Variants in PRDM16 observed in about 807,000 individuals in gnomAD.
PRDM16 encodes the protein histone-lysine N-methyltransferase PRDM16.
In PRDM16, 23 loss-of-function variants were observed where a neutral mutation model predicts 110.6. The ratio of observed to expected loss-of-function variants is 0.21; its 90% confidence interval spans 0.15 to 0.29. PRDM16 has a LOEUF of 0.29. Among genes scored for constraint, PRDM16 ranks in the 10% least tolerant of loss-of-function variants. The pLI is 1.00. For missense variants in PRDM16, 1,615 were observed against 1,794.3 expected, an observed-to-expected ratio of 0.90 and a Z score of 1.81; for synonymous variants, 799 against 781.8, an observed-to-expected ratio of 1.02 and a Z score of -0.37.
intron 4 of PRDM16, chr1:3,396,240 G>T: frequency 1.8e-6 from 1 of 549,626 alleles, no homozygotes; most frequent in East Asian, 4.3e-5. Flanking sequence ...CTTTCATGTG[G>T]ATCCTACCTG....
chr1:3,149,476 T>C (rs1249768927), intron 1 of PRDM16, among the ~76,000 whole-genome samples: 1 of 152,160 alleles, frequency 6.6e-6, no homozygotes, highest in African/African-American at 2.4e-5. Flanking sequence ...TGCCCTGCCC[T>C]GCCACTCCTG....
rs1643285010 is a variant in PRDM16 at position 3,390,758 on chromosome 1, A to G, written c.573+5472A>G. Among the ~76,000 whole-genome samples, 1 of 151,444 alleles carries G rather than the reference A, an allele frequency of 6.6e-6. No individual in the cohort carries two copies. Among genetic ancestry groups the G allele is most frequent in the South Asian group, 2.1e-4 (1 of 4,804 alleles). On this transcript the variant is annotated intron_variant, in intron 4 of 16. Coordinates refer to ENST00000270722, the MANE Select transcript of PRDM16 (RefSeq NM_022114.4). This position sits in a 1 kb window ranked among gnomAD's most constrained non-coding sequence, Gnocchi z 5.0. ...AGGGTTGCGGTTTTAAACAGAGGGC[A>G]TCCAACACCCATCATCTTGTTCTGC...
chr1:3,245,558 T>G lies in PRDM16; in HGVS notation c.438+1421T>G, dbSNP rs1639772795. Among the ~76,000 whole-genome samples, 1 of 152,218 alleles carries G rather than the reference T, an allele frequency of 6.6e-6. No homozygotes were observed. Among genetic ancestry groups the G allele is most frequent in the African/African-American group, 2.4e-5 (1 of 41,456 alleles). ...TCCCCGTCGCTGGTGTGGCTGTGTC[T>G]GGCCTCCTGGGGTCCTTTTGTCCAA... is the stretch of plus-strand genomic sequence containing the variant. On this transcript the variant is annotated intron_variant, in intron 3 of 16. Transcript: ENST00000270722. The surrounding 1 kb of genome is among the most constrained non-coding windows in gnomAD (Gnocchi z 4.7).
At chr1:3,074,074 G>A (rs1454043317) in intron 1 of PRDM16, among the ~76,000 whole-genome samples, 9 of 152,200 alleles carry the variant, frequency 5.9e-5, no homozygotes, top group Non-Finnish European at 1.3e-4. Flanking sequence ...GAGGGTGGGG[G>A]TCTGGCTTTC....
chr1:3,087,883 T>C (rs1642186728), intron 1 of PRDM16, among the ~76,000 whole-genome samples: 1 of 152,196 alleles, frequency 6.6e-6, no homozygotes, highest in Non-Finnish European at 1.5e-5. Context: ...GTTTGTGCTC[T>C]GGGGTCTGGC....
chr1:3,298,517 G>A (rs575980543), intron 3 of PRDM16, among the ~76,000 whole-genome samples: 65 of 152,326 alleles, frequency 4.3e-4, no homozygotes, highest in Admixed American at 1.1e-3. Flanking sequence ...CCCCCGGCCC[G>A]GAGAGGGCAG....
chr1:3,127,673 G>A (rs1643237860), intron 1 of PRDM16, among the ~76,000 whole-genome samples: 1 of 152,250 alleles, frequency 6.6e-6, no homozygotes, highest in Non-Finnish European at 1.5e-5. Context: ...TAGGACGAGG[G>A]TTGAGAGGGA....
chr1:3,156,886 G>C (rs1643863905), intron 1 of PRDM16, among the ~76,000 whole-genome samples: 1 of 152,240 alleles, frequency 6.6e-6, no homozygotes. Context: ...AGAAGCAGGT[G>C]GGGGCGTCAG....
At position 3,353,515 on chromosome 1, in the gene PRDM16, A is replaced by T. The variant is rs1642535288; in HGVS notation, c.439-31637A>T. ...CAGGCACCTGGGCCATGGGAGCCCA[A>T]GGGTGGCTCCCTCGGGCCACCCCGT... is the stretch of plus-strand genomic sequence containing the variant. On this transcript the variant is annotated intron_variant, in intron 3 of 16. Coordinates refer to ENST00000270722, the MANE Select transcript of PRDM16 (RefSeq NM_022114.4). The surrounding 1 kb of genome is among the most constrained non-coding windows in gnomAD (Gnocchi z 5.4). Among the ~76,000 whole-genome samples, 1 of 152,180 alleles carries T rather than the reference A, an allele frequency of 6.6e-6. No individual in the cohort carries two copies. Among genetic ancestry groups the T allele is most frequent in the African/African-American group, 2.4e-5 (1 of 41,458 alleles).
intron 2 of PRDM16, among the ~76,000 whole-genome samples, chr1:3,199,310 C>T (rs768247785): frequency 1.3e-5 from 2 of 152,076 alleles, no homozygotes; most frequent in Non-Finnish European, 2.9e-5. Flanking sequence ...GGGGCAGGGG[C>T]ACAAAAATAA....
chr1:3,360,935 G>A (rs1352158821), intron 3 of PRDM16, among the ~76,000 whole-genome samples: 3 of 152,220 alleles, frequency 2.0e-5, no homozygotes, highest in African/African-American at 7.2e-5. Flanking sequence ...GTGCCGTCCC[G>A]CGGCGGGAAC....
At chr1:3,141,097 T>C (rs7538096) in intron 1 of PRDM16, among the ~76,000 whole-genome samples, 60,190 of 152,000 alleles carry the variant, frequency 0.4, 12,697 homozygotes, top group East Asian at 0.68. Flanking sequence ...GGGAAAACAC[T>C]GGACATTATT....
intron 3 of PRDM16, among the ~76,000 whole-genome samples, chr1:3,318,387 TC>T (rs1194064159): frequency 6.6e-6 from 1 of 152,126 alleles, no homozygotes. Context: ...TTTTTCCATG[TC>T]ATTTCTGTTG....
chr1:3,090,967 G>A (rs774005408), intron 1 of PRDM16, among the ~76,000 whole-genome samples: 8 of 152,136 alleles, frequency 5.3e-5, no homozygotes, highest in Non-Finnish European at 1.2e-4. Flanking sequence ...GAAGCAGACA[G>A]CCCCCAGGGC....
chr1:3,248,066 G>A (rs976845837), intron 3 of PRDM16, among the ~76,000 whole-genome samples: 4 of 152,366 alleles, frequency 2.6e-5, no homozygotes, highest in Middle Eastern at 3.4e-3. Flanking sequence ...ATCAAGAGCC[G>A]TGTTAAGGGC....
At position 3,355,249 on chromosome 1, in the gene PRDM16, A is replaced by G. The variant is rs151292284; in HGVS notation, c.439-29903A>G. On this transcript the variant is annotated intron_variant, in intron 3 of 16. Coordinates refer to ENST00000270722, the MANE Select transcript of PRDM16 (RefSeq NM_022114.4). ...GAGGCCTGGCAGGAGGGGGAGGGAGAGGAGTACAGAGTGGAGGCCTCCGGG... is the reference window on the plus strand; with the variant it reads ...GAGGCCTGGCAGGAGGGGGAGGGAGGGGAGTACAGAGTGGAGGCCTCCGGG... 3.4e-3 allele frequency among the ~76,000 whole-genome samples: 515 copies of G among 152,166 alleles called. 2 individuals are homozygous for G. Among genetic ancestry groups the G allele is most frequent in the African/African-American group, 0.012 (485 of 41,488 alleles).
At chr1:3,298,311 G>A (rs1641133553) in intron 3 of PRDM16, among the ~76,000 whole-genome samples, 1 of 152,230 alleles carries the variant, frequency 6.6e-6, no homozygotes, top group Non-Finnish European at 1.5e-5. Context: ...TGAGCACTCA[G>A]AGCCTGTCTG....
chr1:3,285,770 C>A (rs1041450055), intron 3 of PRDM16, among the ~76,000 whole-genome samples: 5 of 152,084 alleles, frequency 3.3e-5, no homozygotes, highest in Non-Finnish European at 5.9e-5. Context: ...AGAGGAAAGC[C>A]CCCCCACCAC....
intron 9 of PRDM16, among the ~76,000 whole-genome samples, chr1:3,414,269 C>G (rs1448510656): frequency 6.6e-6 from 1 of 152,124 alleles, no homozygotes; most frequent in African/African-American, 2.4e-5. Context: ...TGAAGGCCCT[C>G]GAGGGGACCT....
Sources: allele counts gnomAD v4.1 joint callset (sites outside exome capture counted in the v4.1 genomes callset), GRCh38; gene constraint gnomAD v4.1.1; non-coding constraint Gnocchi (gnomAD v3.1); transcripts MANE v1.5; gene names NCBI Gene and HGNC (gene_info 2026-07-23, HGNC 2026-07-21).